LINGO2: variants seen among roughly 807,000 people sequenced by gnomAD.
LINGO2 encodes the protein leucine-rich repeat and immunoglobulin-like domain-containing nogo receptor-interacting protein 2.
Under a neutral mutation model 30.6 loss-of-function variants are expected in LINGO2, and 14 were observed. That is an observed-to-expected ratio of 0.46 (90% CI 0.30 to 0.72). The LOEUF (loss-of-function observed/expected upper bound fraction) is 0.72. Ranked by LOEUF, LINGO2 falls within the 30% of genes least tolerant of loss-of-function variation. The pLI is 0.07. For synonymous variants in LINGO2, 317 were observed against 288.5 expected (o/e 1.10, Z -1.00); for missense variants, 729 against 751.7 (o/e 0.97, Z 0.35).
the LINGO2 span, among the ~76,000 whole-genome samples, chr9:29,154,147 TAAA>T: frequency 6.6e-6 from 1 of 152,056 alleles, no homozygotes; most frequent in African/African-American, 2.4e-5. Flanking sequence ...AAACTGCTCT[TAAA>T]AATCTCACAA....
At chr9:28,033,475 T>A (rs1440266309) in intron 4 of LINGO2, among the ~76,000 whole-genome samples, 1 of 152,042 alleles carries the variant, frequency 6.6e-6, no homozygotes, top group Non-Finnish European at 1.5e-5. Flanking sequence ...ATCAACAGCT[T>A]TAGTTGGTGG....
At chr9:28,010,680 G>A (rs983890631) in intron 5 of LINGO2, among the ~76,000 whole-genome samples, 1 of 152,194 alleles carries the variant, frequency 6.6e-6, no homozygotes, top group African/African-American at 2.4e-5. Context: ...TGGACACAGT[G>A]GCTGGCTTAC....
At chr9:28,786,797 T>C in the LINGO2 span, among the ~76,000 whole-genome samples, 5 of 152,088 alleles carry the variant, frequency 3.3e-5, no homozygotes, top group Non-Finnish European at 7.4e-5. Context: ...GAGGGAAGTA[T>C]GGGCATACTT....
the LINGO2 span, among the ~76,000 whole-genome samples, chr9:29,003,602 T>C: frequency 3.9e-5 from 6 of 152,134 alleles, no homozygotes; most frequent in East Asian, 1.2e-3. Context: ...AAGGTGACTG[T>C]AGTTTACTTT....
At chr9:28,436,421 A>AATTTATTT (rs143117895) in intron 2 of LINGO2, among the ~76,000 whole-genome samples, 83 of 138,980 alleles carry the variant, frequency 6.0e-4, no homozygotes, top group African/African-American at 1.5e-3. Context: ...TAAGGAAGAG[A>AATTTATTT]ATTTATTTAT....
At chr9:28,992,280 T>C in the LINGO2 span, among the ~76,000 whole-genome samples, 1 of 152,070 alleles carries the variant, frequency 6.6e-6, no homozygotes, top group Admixed American at 6.6e-5. Flanking sequence ...GGCCATTACA[T>C]AATGGTAAAG....
At chr9:28,933,616 C>T in the LINGO2 span, among the ~76,000 whole-genome samples, 2 of 151,934 alleles carry the variant, frequency 1.3e-5, no homozygotes, top group African/African-American at 2.4e-5. Flanking sequence ...AATCAAAATC[C>T]GGACAAACAG....
At chr9:29,159,345 C>A in the LINGO2 span, among the ~76,000 whole-genome samples, 2 of 152,064 alleles carry the variant, frequency 1.3e-5, no homozygotes, top group Non-Finnish European at 2.9e-5. Flanking sequence ...TAGATTATTC[C>A]CACTCATTCT....
At chr9:28,765,422 G>A in the LINGO2 span, among the ~76,000 whole-genome samples, 1 of 152,044 alleles carries the variant, frequency 6.6e-6, no homozygotes, top group African/African-American at 2.4e-5. Flanking sequence ...AATTCATGTT[G>A]GTATTTGATC....
At chr9:28,287,258 A>T (rs1366501182) in intron 4 of LINGO2, among the ~76,000 whole-genome samples, 3 of 152,230 alleles carry the variant, frequency 2.0e-5, no homozygotes, top group Non-Finnish European at 4.4e-5. Context: ...CCGTACAACA[A>T]TGGTAATTTT....
In LINGO2 at chr9:28,488,633, A is replaced by G. The variant is rs548129305; in HGVS notation, c.-364-12608T>C. Among the ~76,000 whole-genome samples the G allele has an allele frequency of 3.3e-5, 5 of 152,318 alleles. No individual in the cohort carries two copies. In the South Asian group the frequency reaches 1.0e-3, roughly 32 times the overall value. ...ACAGCACATATTTCATATACTTGTG[A>G]GAATCAAAGGAGTTTTTTTGTGTAT... On this transcript the variant is annotated intron_variant, in intron 1 of 5. Transcript: ENST00000379992.
the LINGO2 span, among the ~76,000 whole-genome samples, chr9:28,886,817 G>A: frequency 2.0e-5 from 3 of 152,204 alleles, no homozygotes; most frequent in Admixed American, 2.0e-4. Flanking sequence ...ACATTTAGGA[G>A]TTTCCACTTA....
Position 28,458,982 on chromosome 9 carries a change from G to T in LINGO2, c.-279+16958C>A, listed in dbSNP as rs931414410. Among the ~76,000 whole-genome samples the T allele has an allele frequency of 9.0e-3, 8 of 892 alleles. No individual in the cohort carries two copies. The Admixed American group carries it at 0.17, about 19-fold the overall frequency. The allele number at this position is 892 out of a possible 152,430, so 0.6% of individuals were successfully genotyped here. A position where few individuals can be genotyped will look rare whatever the true frequency, so the allele number is the denominator to read the frequency against. ...TATATAGAGCCCAAATGTGAATTAT[G>T]ATTTTGCATTACTAAATTCCAATGC... On this transcript the variant is annotated intron_variant, in intron 2 of 5. Transcript: ENST00000379992.
chr9:29,104,063 A>G, the LINGO2 span, among the ~76,000 whole-genome samples: 2 of 152,196 alleles, frequency 1.3e-5, no homozygotes, highest in Admixed American at 1.3e-4. Context: ...GCTCAATAAC[A>G]TTGGGCACAA....
At chr9:28,912,165 G>A in the LINGO2 span, among the ~76,000 whole-genome samples, 4 of 151,988 alleles carry the variant, frequency 2.6e-5, no homozygotes, top group Non-Finnish European at 5.9e-5. Flanking sequence ...ACTCCAGATC[G>A]TTATAATTGC....
chr9:28,860,556 CCTCT>C, the LINGO2 span, among the ~76,000 whole-genome samples: 1 of 151,528 alleles, frequency 6.6e-6, no homozygotes, highest in Non-Finnish European at 1.5e-5. Context: ...ATGATAAATC[CCTCT>C]CTCTATAGAT....
At position 28,148,815 on chromosome 9, in the gene LINGO2, C is replaced by T; in HGVS notation, c.-86-136410G>A. The T allele has an allele frequency of 3.3e-6, 5 of 1,533,878 alleles. No homozygotes were observed. Among genetic ancestry groups the T allele is most frequent in the Non-Finnish European group, 3.5e-6 (4 of 1,146,606 alleles). On this transcript the variant is annotated intron_variant, in intron 4 of 5. Transcript: ENST00000379992. The surrounding 1 kb of genome is among the most constrained non-coding windows in gnomAD (Gnocchi z 5.1). The stretch of plus-strand genomic sequence containing the variant: ...TGCTCCCTGTGGCCAGAGAAGGCGG[C>T]CTTGAAGGTGCTGGGTAAAGACCAC...
chr9:28,746,948 A>G, the LINGO2 span, among the ~76,000 whole-genome samples: 2 of 152,064 alleles, frequency 1.3e-5, no homozygotes, highest in Non-Finnish European at 2.9e-5. Flanking sequence ...GAATGACTAT[A>G]TGTCACACAC....
At chr9:27,955,569 A>G (rs1454934817) in intron 5 of LINGO2, among the ~76,000 whole-genome samples, 1 of 151,986 alleles carries the variant, frequency 6.6e-6, no homozygotes, top group Non-Finnish European at 1.5e-5. Flanking sequence ...TATAATATAT[A>G]CTCTTATGTC....
Sources: allele counts gnomAD v4.1 joint callset (sites outside exome capture counted in the v4.1 genomes callset), GRCh38; gene constraint gnomAD v4.1.1; non-coding constraint Gnocchi (gnomAD v3.1); transcripts MANE v1.5; gene names NCBI Gene and HGNC (gene_info 2026-07-23, HGNC 2026-07-21).